Variants in NOS1 observed in about 807,000 individuals in gnomAD.
NOS1 encodes the protein nitric oxide synthase 1.
A neutral mutation model predicts 164.5 loss-of-function variants in NOS1; 51 were observed. That is an observed-to-expected ratio of 0.31 (90% confidence interval 0.25 to 0.39). NOS1 has a LOEUF of 0.39. Among genes scored for constraint, NOS1 ranks in the 10% least tolerant of loss-of-function variants. The pLI, the probability that NOS1 is intolerant of heterozygous loss-of-function variation, is 1.00. For missense variants in NOS1, 1,362 were observed against 1,885.6 expected (o/e 0.72, Z 5.14); for synonymous variants, 719 against 745.8 (o/e 0.96, Z 0.59).
chr12:117,267,995 G>C (rs748859145), intron 11 of NOS1, 48 bp downstream of exon 11: 1 of 1,346,044 alleles, frequency 7.4e-7, no homozygotes, highest in South Asian at 1.2e-5. Context: ...TGAAAGGTTT[G>C]AACTCTCATT....
chr12:117,308,286 T>C (rs928308483), intron 3 of NOS1, among the ~76,000 whole-genome samples: 31 of 151,772 alleles, frequency 2.0e-4, no homozygotes, highest in African/African-American at 6.3e-4. Context: ...GAAGGGAGGA[T>C]TGCTTGAACT....
At position 117,212,662 on chromosome 12, in the gene NOS1, C is replaced by T. The variant is rs1053444170; in HGVS notation, c.*2647G>A. The T allele has an allele frequency of 1.1e-5, 11 of 985,286 alleles. No homozygotes were observed. The highest frequency in any genetic ancestry group is 7.0e-5 in the African/African-American group (4 of 57,218). 61.0% of individuals were successfully genotyped at this position (985,286 alleles called of 1,614,324 possible). A position where few individuals can be genotyped will look rare whatever the true frequency, so the allele number is the denominator to read the frequency against. On this transcript the variant is annotated 3_prime_UTR_variant, in exon 29 of 29. Coordinates refer to ENST00000317775, the MANE Select transcript of NOS1 (RefSeq NM_000620.5). ...AGAGGGAAATAAATGGGCCATAACC[C>T]GAATAACCCCCAAATATCTTGTCAA...
chr12:117,255,263 C>T (rs570282717), intron 16 of NOS1, among the ~76,000 whole-genome samples: 1 of 151,892 alleles, frequency 6.6e-6, no homozygotes, highest in African/African-American at 2.4e-5. Context: ...CAAGGCAAAA[C>T]AAAACAAAGC....
chr12:117,240,125 C>T (rs1190237892), intron 20 of NOS1, among the ~76,000 whole-genome samples: 1 of 152,144 alleles, frequency 6.6e-6, no homozygotes, highest in Non-Finnish European at 1.5e-5. Flanking sequence ...ATTATTAGGC[C>T]TTCTCATACA....
chr12:117,255,960 G>C, intron 16 of NOS1: 3 of 1,492,000 alleles, frequency 2.0e-6, no homozygotes, highest in Non-Finnish European at 2.7e-6. Flanking sequence ...ACGGGCTGCA[G>C]CCAGACCGTG....
At chr12:117,235,618 G>A (rs555224929) in intron 20 of NOS1, among the ~76,000 whole-genome samples, 21 of 152,200 alleles carry the variant, frequency 1.4e-4, no homozygotes, top group Non-Finnish European at 2.6e-4. Context: ...AACACAGAAG[G>A]AAACTCATTG....
chr12:117,352,714 G>GGA (rs144531415), intron 1 of NOS1, among the ~76,000 whole-genome samples: 6 of 151,914 alleles, frequency 3.9e-5, no homozygotes, highest in African/African-American at 1.4e-4. Context: ...GAAAAAAGAG[G>GGA]GAGAGAGAGA....
chr12:117,252,758 A>T (rs906091116), intron 17 of NOS1, among the ~76,000 whole-genome samples: 1 of 152,258 alleles, frequency 6.6e-6, no homozygotes, highest in African/African-American at 2.4e-5. Context: ...CCTGGAGGAC[A>T]TAACAGATAT....
At chr12:117,345,664 G>A (rs772971481) in intron 1 of NOS1, among the ~76,000 whole-genome samples, 7 of 152,164 alleles carry the variant, frequency 4.6e-5, no homozygotes, top group Admixed American at 1.3e-4. Context: ...TATCAGAGAC[G>A]TCTGCTACAA....
chr12:117,211,096 A>C lies in NOS1; in HGVS notation c.*4213T>G, dbSNP rs573739728. The C allele has an allele frequency of 2.2e-4, 124 of 565,976 alleles. No homozygotes were observed. Among genetic ancestry groups the C allele is most frequent in the Non-Finnish European group, 2.4e-4 (107 of 447,124 alleles). The allele number at this position is 565,976 out of a possible 1,614,324, so 35.1% of individuals were successfully genotyped here. ...CTCAGCCTCCCAGGTAGCTGAGACT[A>C]CAGGCGCATGCCACCATGCCCAGCT... On this transcript the variant is annotated 3_prime_UTR_variant, in exon 29 of 29. Transcript: ENST00000317775.
chr12:117,268,231 ATTTCT>A (rs1872559788), intron 10 of NOS1, 87 bp from the exon 11 acceptor site: 3 of 915,810 alleles, frequency 3.3e-6, no homozygotes, highest in South Asian at 1.4e-5. Context: ...GCGTGAAATA[ATTTCT>A]TTTCTTTTTT....
chr12:117,360,405 C>A (rs1877079496), intron 1 of NOS1, among the ~76,000 whole-genome samples: 1 of 152,256 alleles, frequency 6.6e-6, no homozygotes, highest in African/African-American at 2.4e-5. Flanking sequence ...CTGGAAGCAA[C>A]CTCATCGAGC....
At chr12:117,346,746 C>T (rs933781014) in intron 1 of NOS1, among the ~76,000 whole-genome samples, 3 of 152,078 alleles carry the variant, frequency 2.0e-5, no homozygotes, top group East Asian at 1.9e-4. Flanking sequence ...AACACTGGTA[C>T]GGTTTGCTTC....
intron 2 of NOS1, among the ~76,000 whole-genome samples, chr12:117,325,293 G>A (rs770414308): frequency 1.3e-5 from 2 of 152,202 alleles, no homozygotes; most frequent in African/African-American, 2.4e-5. Flanking sequence ...AGGACTGCCC[G>A]TCACAAGAGT....
intron 16 of NOS1, among the ~76,000 whole-genome samples, chr12:117,255,246 T>C (rs1871349770): frequency 1.3e-5 from 2 of 152,066 alleles, no homozygotes; most frequent in African/African-American, 4.8e-5. Flanking sequence ...TAAGTTGTGC[T>C]CTCAGGCAAG....
chr12:117,262,623 T>C (rs990464193), intron 13 of NOS1, among the ~76,000 whole-genome samples: 2 of 152,066 alleles, frequency 1.3e-5, no homozygotes, highest in African/African-American at 4.8e-5. Context: ...CTGGGGCCCA[T>C]GGCTTAGATG....
In NOS1 at chr12:117,212,032, C is replaced by T. The variant is rs965645256; in HGVS notation, c.*3277G>A. 2.1e-5 allele frequency: 19 copies of T among 908,200 alleles called. No individual in the cohort carries two copies. The South Asian group carries it at 3.1e-4, about 15-fold the overall frequency. 56.3% of individuals were successfully genotyped at this position (908,200 alleles called of 1,614,324 possible). On this transcript the variant is annotated 3_prime_UTR_variant, in exon 29 of 29. Transcript: ENST00000317775. ...AGTGAGCTGAGATCGTACCACTGTACGCCAGCCTGGGTGACAGAGCAAGAC... is the reference window on the plus strand; with the variant it reads ...AGTGAGCTGAGATCGTACCACTGTATGCCAGCCTGGGTGACAGAGCAAGAC...
At chr12:117,354,862 T>A (rs907715742) in intron 1 of NOS1, among the ~76,000 whole-genome samples, 1 of 152,224 alleles carries the variant, frequency 6.6e-6, no homozygotes, top group African/African-American at 2.4e-5. Context: ...GAAGAAGTGG[T>A]TAACTTCACT....
At chr12:117,311,211 T>A (rs1030614197) in intron 3 of NOS1, among the ~76,000 whole-genome samples, 2 of 149,340 alleles carry the variant, frequency 1.3e-5, no homozygotes, top group Non-Finnish European at 3.0e-5. Context: ...TGTGAATGCC[T>A]TTCCCAGAAG....
Sources: allele counts gnomAD v4.1 joint callset (sites outside exome capture counted in the v4.1 genomes callset), GRCh38; gene constraint gnomAD v4.1.1; transcripts MANE v1.5; gene names NCBI Gene and HGNC (gene_info 2026-07-23, HGNC 2026-07-21).